The following RPH3A variants were observed in gnomAD, a reference collection of about 807,000 sequenced individuals.
The protein encoded by RPH3A is rabphilin-3A.
In RPH3A, 48 loss-of-function variants were observed where a neutral mutation model predicts 102.2. That is an observed-to-expected ratio of 0.47 (90% confidence interval 0.37 to 0.60). RPH3A has a LOEUF of 0.60. Among genes scored for constraint, RPH3A ranks in the 20% least tolerant of loss-of-function variants. The pLI is 0.00. For synonymous variants in RPH3A, 310 were observed against 324.3 expected (o/e 0.96, Z 0.47); for missense variants, 781 against 910.1 (o/e 0.86, Z 1.83).
At chr12:112,874,560 G>A (rs2042761943) in intron 10 of RPH3A, among the ~76,000 whole-genome samples, 1 of 152,218 alleles carries the variant, frequency 6.6e-6, no homozygotes, top group Non-Finnish European at 1.5e-5. Flanking sequence ...GAGAGGATGA[G>A]TATCCAGCCC....
chr12:112,593,848 G>A (rs1040502593), intron 1 of RPH3A, among the ~76,000 whole-genome samples: 3 of 152,132 alleles, frequency 2.0e-5, no homozygotes, highest in African/African-American at 7.2e-5. Context: ...TGACTTTAAT[G>A]CCACCTCCTC....
intron 16 of RPH3A, among the ~76,000 whole-genome samples, chr12:112,885,991 G>A (rs1219986432): frequency 1.3e-5 from 2 of 152,182 alleles, no homozygotes; most frequent in African/African-American, 2.4e-5. Context: ...CTTTGGAGAT[G>A]CGTTGCCCTG....
chr12:112,620,712 C>T (rs927156882), intron 1 of RPH3A, among the ~76,000 whole-genome samples: 1 of 152,142 alleles, frequency 6.6e-6, no homozygotes, highest in Non-Finnish European at 1.5e-5. Context: ...TTCACTCTCT[C>T]GACACAGACC....
At chr12:112,758,745 T>C (rs1173863675) in intron 1 of RPH3A, among the ~76,000 whole-genome samples, 1 of 152,188 alleles carries the variant, frequency 6.6e-6, no homozygotes, top group Admixed American at 6.5e-5. Context: ...TCACACAAAA[T>C]GCTATAATGC....
intron 1 of RPH3A, among the ~76,000 whole-genome samples, chr12:112,598,113 G>A (rs146168824): frequency 5.9e-5 from 9 of 152,336 alleles, no homozygotes; most frequent in African/African-American, 1.7e-4. Context: ...GAGGGCAACC[G>A]TGCTCAATCC....
Position 112,713,051 on chromosome 12 carries a change from C to CCTTCTTCTT in RPH3A, c.-139-79049_-139-79041dup, listed in dbSNP as rs397958107. 1.0e-2 allele frequency among the ~76,000 whole-genome samples: 855 copies of CCTTCTTCTT among 85,846 alleles called. 32 individuals are homozygous for CCTTCTTCTT. The highest frequency in any genetic ancestry group is 0.028 in the Middle Eastern group (6 of 218). 56.3% of individuals were successfully genotyped at this position (85,846 alleles called of 152,430 possible). A position where few individuals can be genotyped will look rare whatever the true frequency, so the allele number is the denominator to read the frequency against. On this transcript the variant is annotated intron_variant, in intron 1 of 21. Transcript: ENST00000543106. Reference sequence around the variant, plus strand: ...TTCTTCTTCTTCTTCTTCTTCTTCTCCTTCTTCTTCTTCTTCTTCTTCTTC... The same window carrying CCTTCTTCTT: ...TTCTTCTTCTTCTTCTTCTTCTTCTCCTTCTTCTTCTTCTTCTTCTTCTTCTTCTTCTTC...
chr12:112,779,638 C>T (rs374874540), intron 1 of RPH3A, among the ~76,000 whole-genome samples: 21 of 152,088 alleles, frequency 1.4e-4, no homozygotes, highest in African/African-American at 3.1e-4. Flanking sequence ...TTATCCAAGG[C>T]GGCTTTGCTA....
At chr12:112,767,417 G>A (rs924445989) in intron 1 of RPH3A, among the ~76,000 whole-genome samples, 1 of 152,220 alleles carries the variant, frequency 6.6e-6, no homozygotes, top group African/African-American at 2.4e-5. Context: ...AGGGAAGCAA[G>A]TGGATGCTGG....
chr12:112,692,008 A>G (rs1386398823), intron 1 of RPH3A, among the ~76,000 whole-genome samples: 1 of 152,256 alleles, frequency 6.6e-6, no homozygotes, highest in African/African-American at 2.4e-5. Flanking sequence ...AAGGAATGAA[A>G]TTCTGTCATT....
chr12:112,689,155 C>T (rs748850757), intron 1 of RPH3A, among the ~76,000 whole-genome samples: 57 of 152,158 alleles, frequency 3.7e-4, no homozygotes, highest in Admixed American at 5.9e-4. Context: ...AGTGGCCTGA[C>T]AGGTAACCTG....
At chr12:112,790,532 G>A (rs1488235868), upstream of RPH3A, among the ~76,000 whole-genome samples, 2 of 152,214 alleles carry the variant, frequency 1.3e-5, no homozygotes, top group African/African-American at 4.8e-5. Context: ...ACTTTGCAGA[G>A]AAGTTCTAAG....
Position 112,683,768 on chromosome 12 carries a change from T to TTCTTCA in RPH3A, c.-139-108375_-139-108374insTCTTCA, listed in dbSNP as rs1168760476. Among the ~76,000 whole-genome samples the TTCTTCA allele has an allele frequency of 1.8e-4, 27 of 152,292 alleles. No homozygotes were observed. The East Asian group carries it at 3.1e-3, about 17-fold the overall frequency. Reference sequence around the variant, plus strand: ...TGTTAAATCTTCAACTCTTCAGGATTGGGCCTGATCTTGCCATACTGGAGA... The same window carrying TTCTTCA: ...TGTTAAATCTTCAACTCTTCAGGATTTCTTCAGGGCCTGATCTTGCCATACTGGAGA... On this transcript the variant is annotated intron_variant, in intron 1 of 21. Coordinates refer to the RPH3A transcript ENST00000543106.
At chr12:112,789,570 T>A (rs760963210), upstream of RPH3A, among the ~76,000 whole-genome samples, 8 of 152,152 alleles carry the variant, frequency 5.3e-5, no homozygotes, top group African/African-American at 7.2e-5. Context: ...AAGATGGGAA[T>A]AATACTAGTG....
chr12:112,661,357 G>A (rs1378142830), intron 1 of RPH3A, among the ~76,000 whole-genome samples: 2 of 152,254 alleles, frequency 1.3e-5, no homozygotes, highest in East Asian at 3.9e-4. Context: ...GCAAGCCAGA[G>A]CTACTCCCTA....
chr12:112,714,403 C>G (rs563376202), intron 1 of RPH3A, among the ~76,000 whole-genome samples: 2 of 152,242 alleles, frequency 1.3e-5, no homozygotes, highest in East Asian at 1.9e-4. Flanking sequence ...AGCCAGGCCT[C>G]GCTCTAATCA....
At chr12:112,614,288 T>C (rs916466621) in intron 1 of RPH3A, among the ~76,000 whole-genome samples, 1 of 152,138 alleles carries the variant, frequency 6.6e-6, no homozygotes, top group African/African-American at 2.4e-5. Context: ...GGGTAGTGAA[T>C]AAATCTCCCT....
At chr12:112,853,999 C>G (rs1191819273) in intron 5 of RPH3A, among the ~76,000 whole-genome samples, 1 of 152,224 alleles carries the variant, frequency 6.6e-6, no homozygotes, top group Non-Finnish European at 1.5e-5. Context: ...TCATGGCCTC[C>G]CTGACCTCAT....
chr12:112,671,870 T>TACAC (rs372046825), intron 1 of RPH3A, among the ~76,000 whole-genome samples: 227 of 147,692 alleles, frequency 1.5e-3, no homozygotes, highest in African/African-American at 5.0e-3. Flanking sequence ...TCTATCTATC[T>TACAC]ACACACACAC....
intron 1 of RPH3A, among the ~76,000 whole-genome samples, chr12:112,769,671 T>C (rs1349898558): frequency 6.6e-6 from 1 of 152,214 alleles, no homozygotes; most frequent in Non-Finnish European, 1.5e-5. Context: ...TGGAAAGAAC[T>C]CTTAGATTGG....
Sources: allele counts gnomAD v4.1 joint callset (sites outside exome capture counted in the v4.1 genomes callset), GRCh38; gene constraint gnomAD v4.1.1; transcripts MANE v1.5; gene names NCBI Gene and HGNC (gene_info 2026-07-23, HGNC 2026-07-21).